The following RECQL variants were observed in gnomAD, a reference collection of about 807,000 sequenced individuals.
RECQL encodes RecQ like helicase.
RECQL carries 73 observed loss-of-function variants against 75.8 expected under a neutral mutation model. That is an observed-to-expected ratio of 0.96 (90% CI 0.80 to 1.17). The LOEUF (loss-of-function observed/expected upper bound fraction) is 1.17, where lower values mean the gene tolerates loss of function less well. Ranked by LOEUF, RECQL falls within the 50% of genes most tolerant of loss-of-function variation. The probability of loss-of-function intolerance (pLI) is 0.00; values close to 1 mark genes in which losing one functional copy is unlikely to be tolerated. For missense variants in RECQL, 699 were observed against 772.1 expected (o/e 0.91, Z 1.12); for synonymous variants, 248 against 254.4 (o/e 0.97, Z 0.24).
rs372947261 is a variant in RECQL at position 21,470,985 on chromosome 12, G to A, written c.1781C>T (p.Thr594Met). The A allele has an allele frequency of 1.5e-5, 23 of 1,552,730 alleles. No homozygotes were observed. The highest frequency in any genetic ancestry group is 1.7e-4 in the Middle Eastern group (1 of 5,822). The part of the protein sequence containing the change: ...HAITMQVTKS[T>M]QNSFRAESSQ... ...GCCATTTACCCTGAAAGAGTTCTGC[G>A]TGGACTTTGTCACTTGCATAGTAAT... The change falls in exon 14 of 15, where the codon ACG becomes ATG. Residue 594 changes from threonine to methionine, a missense_variant. Physicochemically the swap from Thr to Met is moderately conservative, Grantham distance 81. This residue lies in a region of RECQL where 669 missense variants were observed against 713.5 expected (regional missense o/e 0.94). Coordinates refer to ENST00000444129, the MANE Select transcript of RECQL (RefSeq NM_002907.4).
chr12:21,481,538 C>A (rs1943191890), intron 6 of RECQL, among the ~76,000 whole-genome samples: 1 of 152,008 alleles, frequency 6.6e-6, no homozygotes, highest in South Asian at 2.1e-4. Flanking sequence ...CACCAGGTAA[C>A]AACTATGTGG....
At chr12:21,482,292 T>C (rs568262315) in intron 6 of RECQL, among the ~76,000 whole-genome samples, 1 of 152,100 alleles carries the variant, frequency 6.6e-6, no homozygotes, top group South Asian at 2.1e-4. Context: ...TTACTAATGT[T>C]TGAAAGTAGA....
At chr12:21,493,122 C>T (rs1031660172) in intron 2 of RECQL, among the ~76,000 whole-genome samples, 5 of 152,236 alleles carry the variant, frequency 3.3e-5, no homozygotes, top group South Asian at 2.1e-4. Context: ...AATTTTGATC[C>T]GGAAGAACAG....
intron 4 of RECQL, among the ~76,000 whole-genome samples, chr12:21,487,446 T>C (rs780357544): frequency 6.6e-6 from 1 of 152,228 alleles, no homozygotes; most frequent in Non-Finnish European, 1.5e-5. Flanking sequence ...TTCCTTATAA[T>C]TGAAACTGTT....
At position 21,470,265 on chromosome 12, in the gene RECQL, C is replaced by G; in HGVS notation, c.1879G>C (p.Ala627Pro). The change falls in exon 15 of 15, where the codon GCT becomes CCT. Residue 627 changes from alanine to proline, a missense_variant. Ala to Pro is a conservative substitution (Grantham distance 27). Around this residue, in one of 2 missense-constraint regions of RECQL, gnomAD observed 30 missense variants for 58.6 expected, o/e 0.51. Transcript: ENST00000444129. ...EKNSGNFQKK[A>P]ANMLQQSGSK... is the part of the protein sequence containing the mutation. ...CCAGATTGCTGAAGCATGTTTGCAG[C>G]CTTCTTCTGGAAGTTGCCTGAATTT... 4 of 1,608,872 alleles carry G rather than the reference C, an allele frequency of 2.5e-6. No individual in the cohort carries two copies. In the South Asian group the frequency reaches 4.4e-5, roughly 18 times the overall value.
At chr12:21,480,594 C>A (rs1180202145) in intron 6 of RECQL, among the ~76,000 whole-genome samples, 2 of 152,134 alleles carry the variant, frequency 1.3e-5, no homozygotes, top group East Asian at 3.9e-4. Context: ...CTGCACACTA[C>A]GCATCAGCTT....
chr12:21,477,544 T>A (rs146125214), intron 7 of RECQL, among the ~76,000 whole-genome samples: 1 of 152,316 alleles, frequency 6.6e-6, no homozygotes, highest in African/African-American at 2.4e-5. Flanking sequence ...ATACAGAAAT[T>A]TAACAAAGAT....
At chr12:21,496,634 T>C (rs764916829) in intron 2 of RECQL, among the ~76,000 whole-genome samples, 1 of 152,198 alleles carries the variant, frequency 6.6e-6, no homozygotes, top group Non-Finnish European at 1.5e-5. Context: ...GGATAGAAGA[T>C]AAATCCCATA....
In RECQL at chr12:21,476,975, T is replaced by C; in HGVS notation, c.885A>G (p.Ser295=). Residue 295 remains serine, a synonymous_variant, in exon 8 of 15, where the codon TCA becomes TCG. Transcript: ENST00000444129. ...TATCCTCAATAAAATCTTCAGTGTT[T>C]GAGGGCTTCTGCCGAACCTAAAAAA... The part of the protein sequence containing the change: ...NLYYEVRQKP[S]NTEDFIEDIV... 6.2e-7 allele frequency: 1 copy of C among 1,608,894 alleles called. No homozygotes were observed. The highest frequency in any genetic ancestry group is 1.1e-5 in the South Asian group (1 of 89,800).
chr12:21,499,406 T>C (rs1943564258), intron 2 of RECQL, 149 bp downstream of exon 2: 2 of 681,364 alleles, frequency 2.9e-6, no homozygotes, highest in Non-Finnish European at 5.0e-6. Context: ...ATGGTTAGCA[T>C]GGCAAAGTTT....
At chr12:21,482,208 G>T (rs1182704785) in intron 6 of RECQL, among the ~76,000 whole-genome samples, 1 of 151,160 alleles carries the variant, frequency 6.6e-6, no homozygotes, top group Non-Finnish European at 1.5e-5. Context: ...AGGAAAGGAT[G>T]AAACGGGAGT....
Position 21,493,864 on chromosome 12 carries a change from T to G in RECQL, c.17-2148A>C, listed in dbSNP as rs1319622306. 2.6e-5 allele frequency among the ~76,000 whole-genome samples: 4 copies of G among 152,156 alleles called. No individual in the cohort carries two copies. The East Asian group carries it at 7.7e-4, about 29-fold the overall frequency. ...TCCTAGAGGATAAAACACAAAGATGTAACCTGTCAAAAGACATGATATGCA... is the reference window on the plus strand; with the variant it reads ...TCCTAGAGGATAAAACACAAAGATGGAACCTGTCAAAAGACATGATATGCA... On this transcript the variant is annotated intron_variant, in intron 2 of 14. Coordinates refer to ENST00000444129, the MANE Select transcript of RECQL (RefSeq NM_002907.4).
chr12:21,476,939 G>A lies in RECQL; in HGVS notation c.921C>T (p.Leu307=), dbSNP rs138413466. 1 of 1,608,742 alleles carries A rather than the reference G, an allele frequency of 6.2e-7. No homozygotes were observed. The highest frequency in any genetic ancestry group is 8.5e-7 in the Non-Finnish European group (1 of 1,177,718). The change falls in exon 8 of 15, where the codon CTC becomes CTT. Residue 307 remains leucine (L), a synonymous_variant. Coordinates refer to ENST00000444129, the MANE Select transcript of RECQL (RefSeq NM_002907.4). Reference sequence around the variant, plus strand: ...ATTGCCCTTTGTATCTCCCATTAATGAGCTTTACAATATCCTCAATAAAAT... The same window carrying A: ...ATTGCCCTTTGTATCTCCCATTAATAAGCTTTACAATATCCTCAATAAAAT... ...TEDFIEDIVK[L]INGRYKGQSG...
intron 8 of RECQL, among the ~76,000 whole-genome samples, chr12:21,476,396 C>T (rs1044470040): frequency 1.3e-5 from 2 of 152,050 alleles, no homozygotes; most frequent in Non-Finnish European, 2.9e-5. Context: ...GTTTAAAATG[C>T]TACTTTCACA....
In RECQL at chr12:21,490,378, T is replaced by C. The variant is rs762984518; in HGVS notation, c.215A>G (p.Asp72Gly). The C allele has an allele frequency of 5.0e-6, 8 of 1,602,318 alleles. No homozygotes were observed. Among genetic ancestry groups the C allele is most frequent in the Non-Finnish European group, 6.8e-6 (8 of 1,171,654 alleles). Reference protein sequence around the residue: ...DSSPAAWNKEDFPWSGKVKDI... With the variant: ...DSSPAAWNKEGFPWSGKVKDI... ...TTTAACTTTACCAGACCATGGAAAA[T>C]CTAGGAAAAGAAAGTTAAGAATCAG... Residue 72 changes from aspartate (D) to glycine (G), a missense_variant and splice_region_variant, in exon 4 of 15, where the codon GAT (aspartate) becomes GGT (glycine). By Grantham distance (94) the Asp-to-Gly change is moderately conservative (BLOSUM62 -1). This residue lies in a region of RECQL where 669 missense variants were observed against 713.5 expected (regional missense o/e 0.94). Coordinates refer to ENST00000444129, the MANE Select transcript of RECQL (RefSeq NM_002907.4).
At chr12:21,477,737 TA>T in intron 7 of RECQL, 65 bp downstream of exon 7, 1 of 1,334,272 alleles carries the variant, frequency 7.5e-7, no homozygotes, top group Non-Finnish European at 1.0e-6. Flanking sequence ...ATAAACATAA[TA>T]AAAAGGCAGA....
intron 13 of RECQL, 99 bp from the exon 14 acceptor site, chr12:21,471,197 A>T: frequency 1.7e-6 from 2 of 1,201,378 alleles, no homozygotes; most frequent in Non-Finnish European, 2.3e-6. Context: ...TTCTTAACAC[A>T]TTGACTTGAA....
intron 12 of RECQL, 74 bp from the exon 13 acceptor site, chr12:21,471,721 T>G (rs1399088552): frequency 1.7e-6 from 2 of 1,156,100 alleles, no homozygotes; most frequent in East Asian, 2.3e-5. Flanking sequence ...TCTTAAGTAG[T>G]TAAACTGGTT....
intron 2 of RECQL, among the ~76,000 whole-genome samples, chr12:21,494,929 A>G (rs920631329): frequency 1.3e-5 from 2 of 152,230 alleles, no homozygotes; most frequent in African/African-American, 4.8e-5. Context: ...AATTGAATTT[A>G]TGACGAAAAA....
Sources: allele counts gnomAD v4.1 joint callset (sites outside exome capture counted in the v4.1 genomes callset), GRCh38; gene constraint gnomAD v4.1.1; regional missense constraint gnomAD v4.1.1; transcripts MANE v1.5; gene names NCBI Gene and HGNC (gene_info 2026-07-23, HGNC 2026-07-21).